LAPTM5: variants seen among roughly 807,000 people sequenced by gnomAD.
The protein encoded by LAPTM5 is lysosomal protein transmembrane 5.
In LAPTM5, 11 loss-of-function variants were observed where a neutral mutation model predicts 30.1. The ratio of observed to expected loss-of-function variants is 0.37; its 90% CI spans 0.23 to 0.60. The LOEUF (loss-of-function observed/expected upper bound fraction) is 0.60, where lower values mean the gene tolerates loss of function less well. Among genes scored for constraint, LAPTM5 ranks in the 20% least tolerant of loss-of-function variants. LAPTM5 has a pLI of 0.71. For synonymous variants in LAPTM5, 151 were observed against 137.9 expected, an observed-to-expected ratio of 1.10 and a Z score of -0.67; for missense variants, 324 against 332.5, an observed-to-expected ratio of 0.97 and a Z score of 0.20.
chr1:30,734,473 G>A (rs1418327603), intron 7 of LAPTM5, among the ~76,000 whole-genome samples: 1 of 152,164 alleles, frequency 6.6e-6, no homozygotes, highest in Non-Finnish European at 1.5e-5. Flanking sequence ...GTCAAGAGTT[G>A]GAGAGGACGA....
chr1:30,734,191 A>G (rs1276033691), intron 7 of LAPTM5, among the ~76,000 whole-genome samples: 2 of 152,206 alleles, frequency 1.3e-5, no homozygotes, highest in African/African-American at 2.4e-5. Flanking sequence ...TTCTCAGTCC[A>G]TATACCTTCA....
chr1:30,756,408 C>T (rs924957610), intron 1 of LAPTM5, among the ~76,000 whole-genome samples: 3 of 152,186 alleles, frequency 2.0e-5, no homozygotes, highest in Non-Finnish European at 2.9e-5. Flanking sequence ...GTGCGTCAGG[C>T]GTGGTTCTGC....
intron 3 of LAPTM5, among the ~76,000 whole-genome samples, chr1:30,740,743 C>G (rs1639958659): frequency 6.6e-6 from 1 of 152,194 alleles, no homozygotes; most frequent in Non-Finnish European, 1.5e-5. Flanking sequence ...TGCACAAGCA[C>G]CCACAGCCAC....
intron 1 of LAPTM5, among the ~76,000 whole-genome samples, chr1:30,751,738 C>CA (rs35757328): frequency 0.27 from 40,273 of 151,136 alleles, 5,593 homozygotes; most frequent in South Asian, 0.39. Flanking sequence ...GACTCAGTCT[C>CA]AAAAAAAAGG....
At chr1:30,740,689 C>T (rs955513021) in intron 3 of LAPTM5, among the ~76,000 whole-genome samples, 8 of 152,160 alleles carry the variant, frequency 5.3e-5, no homozygotes, top group African/African-American at 1.7e-4. Context: ...TCAGGGACCA[C>T]CTGCTCCATT....
chr1:30,741,705 A>C lies in LAPTM5; in HGVS notation c.193T>G (p.Ser65Ala), dbSNP rs1352054810. 2.5e-6 allele frequency: 4 copies of C among 1,607,122 alleles called. No individual in the cohort carries two copies. Among genetic ancestry groups the C allele is most frequent in the Non-Finnish European group, 3.4e-6 (4 of 1,176,722 alleles). Reference protein sequence around the residue: ...MGYLRIADLISSFLLITMLFI... With the variant: ...MGYLRIADLIASFLLITMLFI... ...AGCATGGTGATGAGCAGGAAGCTGGAGATCAGGTCAGCTGAAAGGCAAGGA... is the reference window on the plus strand; with the variant it reads ...AGCATGGTGATGAGCAGGAAGCTGGCGATCAGGTCAGCTGAAAGGCAAGGA... The change falls in exon 3 of 8, where the codon TCC becomes GCC. Residue 65 changes from serine to alanine, a missense_variant. Coordinates refer to ENST00000294507, the MANE Select transcript of LAPTM5 (RefSeq NM_006762.3).
chr1:30,740,527 T>A (rs898683734), intron 3 of LAPTM5, among the ~76,000 whole-genome samples: 1 of 151,816 alleles, frequency 6.6e-6, no homozygotes, highest in Non-Finnish European at 1.5e-5. Context: ...TCTTCTTCAA[T>A]TGAAAGCAAG....
chr1:30,738,798 A>G (rs1639925945), intron 5 of LAPTM5, 142 bp downstream of exon 5: 1 of 947,194 alleles, frequency 1.1e-6, no homozygotes, highest in Non-Finnish European at 1.5e-6. Flanking sequence ...GGCTCCCTCA[A>G]TAAATCACCA....
chr1:30,733,620 A>T lies in LAPTM5; in HGVS notation c.*208T>A. On this transcript the variant is annotated 3_prime_UTR_variant, in exon 8 of 8. Transcript: ENST00000294507. Reference sequence around the variant, plus strand: ...TTGGGCTGAATTATGGAGAGACCCGAGGAGTGACTCAGCCTAAAGCGTTGA... The same window carrying T: ...TTGGGCTGAATTATGGAGAGACCCGTGGAGTGACTCAGCCTAAAGCGTTGA... 3 of 1,531,746 alleles carry T rather than the reference A, an allele frequency of 2.0e-6. No individual in the cohort carries two copies. The African/African-American group carries it at 4.1e-5, about 21-fold the overall frequency. The allele number at this position is 1,531,746 out of a possible 1,614,324, so 94.9% of individuals were successfully genotyped here.
At chr1:30,735,803 G>A (rs904684665) in intron 6 of LAPTM5, among the ~76,000 whole-genome samples, 11 of 152,110 alleles carry the variant, frequency 7.2e-5, no homozygotes, top group African/African-American at 2.7e-4. Context: ...CAATCCCAAG[G>A]GGCAAGCTCA....
chr1:30,754,219 C>A (rs535528199), intron 1 of LAPTM5, among the ~76,000 whole-genome samples: 1 of 152,084 alleles, frequency 6.6e-6, no homozygotes, highest in African/African-American at 2.4e-5. Flanking sequence ...AAAGCCAGGA[C>A]CCAAGAGACC....
chr1:30,748,296 T>C (rs1640078468), intron 1 of LAPTM5, among the ~76,000 whole-genome samples: 1 of 152,068 alleles, frequency 6.6e-6, no homozygotes, highest in Non-Finnish European at 1.5e-5. Flanking sequence ...CCCGGGCTTG[T>C]CTTCAACCCT....
chr1:30,735,064 C>T (rs571708777), intron 7 of LAPTM5, 109 bp downstream of exon 7: 1 of 757,652 alleles, frequency 1.3e-6, no homozygotes, highest in South Asian at 1.5e-5. Context: ...TCTGTTCCAA[C>T]CCTCATCTTA....
intron 1 of LAPTM5, among the ~76,000 whole-genome samples, chr1:30,755,308 C>T (rs1640194974): frequency 6.6e-6 from 1 of 151,644 alleles, no homozygotes; most frequent in African/African-American, 2.4e-5. Flanking sequence ...TGCTGAACTT[C>T]CTCTAACGCA....
chr1:30,733,221 G>A lies in LAPTM5; in HGVS notation c.*607C>T, dbSNP rs992857792. On this transcript the variant is annotated 3_prime_UTR_variant, in exon 8 of 8. Transcript: ENST00000294507. ...TGAATTAAATGGTTTGGAGGCTAAC[G>A]TGATTTTTTAAATTGAATTTCATCA... 3.0e-5 allele frequency: 5 copies of A among 166,880 alleles called. No homozygotes were observed. In the South Asian group the frequency reaches 3.9e-4, roughly 13 times the overall value. The allele number at this position is 166,880 out of a possible 1,614,324, so 10.3% of individuals were successfully genotyped here. A position where few individuals can be genotyped will look rare whatever the true frequency, so the allele number is the denominator to read the frequency against.
rs551603763 is a variant in LAPTM5, at chr1:30,750,538, TG to T, written c.87+7120del. ...CAGTCTTGAGAGACAGGTTCTAACA[TG>T]AGTCCCATATTTTTCTGATTTTGCA... On this transcript the variant is annotated intron_variant, in intron 1 of 7. Transcript: ENST00000294507. Among the ~76,000 whole-genome samples, 13 of 152,314 alleles carry T rather than the reference TG, an allele frequency of 8.5e-5. No individual in the cohort carries two copies. In the East Asian group the frequency reaches 2.5e-3, roughly 29 times the overall value.
At chr1:30,753,820 G>A (rs1462336809) in intron 1 of LAPTM5, among the ~76,000 whole-genome samples, 1 of 152,168 alleles carries the variant, frequency 6.6e-6, no homozygotes. Context: ...CCACACTAAC[G>A]TTGAGACGTT....
At chr1:30,736,981 G>T (rs1383492877) in intron 6 of LAPTM5, among the ~76,000 whole-genome samples, 4 of 152,040 alleles carry the variant, frequency 2.6e-5, no homozygotes, top group Non-Finnish European at 4.4e-5. Context: ...GTCTTTGTTG[G>T]GTTTTGTGGG....
rs144680127 is a variant in LAPTM5, at chr1:30,743,292, GTATT to G, written c.88-747_88-744del. On this transcript the variant is annotated intron_variant, in intron 1 of 7. Coordinates refer to ENST00000294507, the MANE Select transcript of LAPTM5 (RefSeq NM_006762.3). The stretch of plus-strand genomic sequence containing the variant: ...CTCTTTGTTCATTCCCCTAGCTGTT[GTATT>G]TGTTGAATGAATGAATGAATGAATG... 5.1e-4 allele frequency among the ~76,000 whole-genome samples: 77 copies of G among 152,042 alleles called. No homozygotes were observed. The East Asian group carries it at 0.014, about 28-fold the overall frequency.
Sources: allele counts gnomAD v4.1 joint callset (sites outside exome capture counted in the v4.1 genomes callset), GRCh38; gene constraint gnomAD v4.1.1; transcripts MANE v1.5; gene names NCBI Gene and HGNC (gene_info 2026-07-23, HGNC 2026-07-21).